Variants in ZNF345 observed in about 807,000 individuals in gnomAD.
ZNF345 encodes the protein zinc finger protein 345.
For synonymous variants in ZNF345, 166 were observed against 187.9 expected, an observed-to-expected ratio of 0.88 and a Z score of 0.95; for missense variants, 527 against 589.9, an observed-to-expected ratio of 0.89 and a Z score of 1.10.
chr19:36,857,660 A>G (rs1449935633), intron 2 of ZNF345, among the ~76,000 whole-genome samples: 1 of 152,050 alleles, frequency 6.6e-6, no homozygotes, highest in Non-Finnish European at 1.5e-5. Flanking sequence ...TTCACAGTAC[A>G]CTCAGTTGTC....
intron 3 of ZNF345, chr19:36,892,000 C>A (rs780322855): frequency 1.2e-6 from 2 of 1,613,864 alleles, no homozygotes; most frequent in South Asian, 2.2e-5. Context: ...GGGTTTCTCA[C>A]CAGTGTGAAT....
intron 2 of ZNF345, among the ~76,000 whole-genome samples, chr19:36,876,393 TCA>T (rs1203184016): frequency 6.6e-6 from 1 of 152,182 alleles, no homozygotes; most frequent in East Asian, 1.9e-4. Flanking sequence ...AGAATTACTC[TCA>T]TTTATAAATG....
chr19:36,869,447 A>G (rs992984353), intron 2 of ZNF345, among the ~76,000 whole-genome samples: 1 of 152,192 alleles, frequency 6.6e-6, no homozygotes, highest in African/African-American at 2.4e-5. Flanking sequence ...GTGGAATTTC[A>G]TTATGTAGGC....
intron 3 of ZNF345, chr19:36,889,453 A>G (rs2073029578): frequency 6.6e-6 from 1 of 151,926 alleles, no homozygotes. Flanking sequence ...ATTTTTTTCT[A>G]TTACTGATTC....
intron 2 of ZNF345, among the ~76,000 whole-genome samples, chr19:36,853,431 A>G (rs1463894758): frequency 1.3e-5 from 2 of 151,874 alleles, no homozygotes; most frequent in East Asian, 3.9e-4. Context: ...TATTTTTAGT[A>G]GAGACAGGGT....
At chr19:36,884,489 G>T (rs916383944), downstream of ZNF345, among the ~76,000 whole-genome samples, 1 of 152,130 alleles carries the variant, frequency 6.6e-6, no homozygotes, top group African/African-American at 2.4e-5. Context: ...AGTCCTGGAT[G>T]GCATTACCTC....
intron 2 of ZNF345, 65 bp from the exon 3 acceptor site, chr19:36,876,720 T>C: frequency 2.8e-6 from 3 of 1,085,618 alleles, no homozygotes; most frequent in Non-Finnish European, 2.6e-6. Flanking sequence ...TTCGTATCTA[T>C]TATAAACGTT....
At chr19:36,891,582 A>G in intron 3 of ZNF345, 1 of 1,613,546 alleles carries the variant, frequency 6.2e-7, no homozygotes, top group Non-Finnish European at 8.5e-7. Flanking sequence ...GTTTCTCACC[A>G]GTGTGAATTC....
In ZNF345 at chr19:36,886,229, A is replaced by G. The variant is rs537782708; in HGVS notation, c.47-6589A>G. On this transcript the variant is annotated intron_variant, in intron 3 of 3. Transcript: ENST00000526123. ...TTTATGTAGATATTCTGCCTTCAGG[A>G]AAGTGGAGCATAACCCCGCTCCTTA... Among the ~76,000 whole-genome samples the G allele has an allele frequency of 2.6e-5, 4 of 152,332 alleles. No homozygotes were observed. The East Asian group carries it at 5.8e-4, about 22-fold the overall frequency.
chr19:36,874,048 T>TA (rs2072826006), intron 2 of ZNF345, among the ~76,000 whole-genome samples: 1 of 152,236 alleles, frequency 6.6e-6, no homozygotes, highest in Non-Finnish European at 1.5e-5. Flanking sequence ...TATGGGTACT[T>TA]AGTTCCCTCC....
chr19:36,885,290 C>T (rs940079984), intron 3 of ZNF345, among the ~76,000 whole-genome samples: 12 of 151,572 alleles, frequency 7.9e-5, no homozygotes, highest in African/African-American at 2.7e-4. Flanking sequence ...CATATGCTTG[C>T]TTACTAGCTT....
At chr19:36,870,426 A>G (rs542050666) in intron 2 of ZNF345, among the ~76,000 whole-genome samples, 1 of 152,078 alleles carries the variant, frequency 6.6e-6, no homozygotes, top group South Asian at 2.1e-4. Flanking sequence ...TTACTCTAGA[A>G]TTCTATCTTT....
intron 3 of ZNF345, among the ~76,000 whole-genome samples, chr19:36,884,727 G>C (rs1329821085): frequency 6.6e-6 from 1 of 152,114 alleles, no homozygotes; most frequent in African/African-American, 2.4e-5. Flanking sequence ...ATGTTATACT[G>C]TCGGGTGGCC....
At chr19:36,855,268 A>G (rs928851164) in intron 2 of ZNF345, among the ~76,000 whole-genome samples, 2 of 150,158 alleles carry the variant, frequency 1.3e-5, no homozygotes, top group African/African-American at 2.5e-5. Context: ...TCAGCCTCCC[A>G]AGTAGCTGGG....
In ZNF345 at chr19:36,878,022, T is replaced by G. The variant is rs1278291358; in HGVS notation, c.1192T>G (p.Tyr398Asp). The stretch of plus-strand genomic sequence containing the variant: ...GCTAATCCATACTGGTGAAAGACCC[T>G]ATGAATGTAAAGAATGTGGAAAGTC... ...HQLIHTGERP[Y>D]ECKECGKSFS... Residue 398 changes from tyrosine to aspartate, a missense_variant, in exon 3 of 3, where the codon TAT (tyrosine) becomes GAT (aspartate). Tyr to Asp is a radical substitution (Grantham distance 160). Coordinates refer to ENST00000420450, the MANE Select transcript of ZNF345 (RefSeq NM_001242472.2). 6.2e-7 allele frequency: 1 copy of G among 1,613,846 alleles called. No individual in the cohort carries two copies. The highest frequency in any genetic ancestry group is 1.7e-5 in the Admixed American group (1 of 59,990).
rs748614607 is a variant in ZNF345 at position 36,877,336 on chromosome 19, G to A, written c.506G>A (p.Ser169Asn). The A allele has an allele frequency of 1.2e-5, 20 of 1,613,414 alleles. No individual in the cohort carries two copies. In the East Asian group the frequency reaches 4.0e-4, roughly 32 times the overall value. The stretch of plus-strand genomic sequence containing the variant: ...CTTATTCGACATCAGATCATTCACA[G>A]TGGTGAGAAGCCTTATGAGTGTAAG... ...SGLIRHQIIH[S>N]GEKPYECKEC... Residue 169 changes from serine to asparagine, a missense_variant, in exon 3 of 3, where the codon AGT (serine) becomes AAT (asparagine). Coordinates refer to ENST00000420450, the MANE Select transcript of ZNF345 (RefSeq NM_001242472.2).
chr19:36,859,014 T>C (rs745930510), intron 2 of ZNF345, among the ~76,000 whole-genome samples: 1 of 152,082 alleles, frequency 6.6e-6, no homozygotes, highest in Non-Finnish European at 1.5e-5. Context: ...ACTGGTCATC[T>C]TAGTGGTGTC....
intron 2 of ZNF345, among the ~76,000 whole-genome samples, chr19:36,853,273 A>T (rs1265188965): frequency 7.5e-6 from 1 of 133,458 alleles, no homozygotes; most frequent in Non-Finnish European, 1.6e-5. Context: ...TTTGACTCGA[A>T]GTTTCGCTCT....
intron 2 of ZNF345, among the ~76,000 whole-genome samples, chr19:36,853,766 CTATT>C (rs1228999840): frequency 1.3e-5 from 2 of 152,186 alleles, no homozygotes; most frequent in Non-Finnish European, 2.9e-5. Context: ...TTCCACTGGT[CTATT>C]TGTCACTCCT....
Sources: allele counts gnomAD v4.1 joint callset (sites outside exome capture counted in the v4.1 genomes callset), GRCh38; gene constraint gnomAD v4.1.1; transcripts MANE v1.5; gene names NCBI Gene and HGNC (gene_info 2026-07-23, HGNC 2026-07-21).